The following ARHGEF28 variants were observed in gnomAD, a reference collection of about 807,000 sequenced individuals.
ARHGEF28 encodes 190 kDa guanine nucleotide exchange factor.
ARHGEF28 carries 152 observed loss-of-function variants against 206.6 expected under a neutral mutation model. The ratio of observed to expected loss-of-function variants is 0.74; its 90% CI spans 0.64 to 0.84. The LOEUF is 0.84. Ranked by LOEUF, ARHGEF28 falls within the 40% of genes least tolerant of loss-of-function variation. The pLI, the probability that ARHGEF28 is intolerant of heterozygous loss-of-function variation, is 0.00. For missense variants in ARHGEF28, 2,028 were observed against 2,073.2 expected (o/e 0.98, Z 0.42); for synonymous variants, 763 against 776.4 (o/e 0.98, Z 0.29).
intron 2 of ARHGEF28, among the ~76,000 whole-genome samples, chr5:73,715,690 A>G (rs1026981747): frequency 6.6e-6 from 1 of 152,226 alleles, no homozygotes; most frequent in Non-Finnish European, 1.5e-5. Flanking sequence ...TAGCACATCC[A>G]AAGTATAATT....
chr5:73,896,300 A>G (rs1188507360), intron 29 of ARHGEF28, among the ~76,000 whole-genome samples: 1 of 152,194 alleles, frequency 6.6e-6, no homozygotes, highest in Non-Finnish European at 1.5e-5. Flanking sequence ...AGTGAGCTTC[A>G]CGTGTTTAAG....
At chr5:73,915,557 T>G (rs1002924029) in intron 35 of ARHGEF28, among the ~76,000 whole-genome samples, 3 of 152,198 alleles carry the variant, frequency 2.0e-5, no homozygotes, top group African/African-American at 7.2e-5. Flanking sequence ...TGAATTTCCT[T>G]AAACAATAGT....
rs182835526 is a variant in ARHGEF28, at chr5:73,847,765, A to T, written c.1636-1211A>T. 2.0e-4 allele frequency among the ~76,000 whole-genome samples: 30 copies of T among 152,338 alleles called. 1 individual carries two copies. The South Asian group carries it at 6.0e-3, about 31-fold the overall frequency. Reference sequence around the variant, plus strand: ...GGACAATTTTCAAAGTTCTATTGTCATGACAAATGGTTACCACGTATACAT... The same window carrying T: ...GGACAATTTTCAAAGTTCTATTGTCTTGACAAATGGTTACCACGTATACAT... On this transcript the variant is annotated intron_variant, in intron 12 of 35. Coordinates refer to ENST00000513042, the MANE Select transcript of ARHGEF28 (RefSeq NM_001177693.2).
rs186570985 is a variant in ARHGEF28, at chr5:73,766,164, A to C, written c.476-7691A>C. Among the ~76,000 whole-genome samples, 430 of 150,310 alleles carry C rather than the reference A, an allele frequency of 2.9e-3. 1 individual carries two copies. The highest frequency in any genetic ancestry group is 4.8e-3 in the Admixed American group (73 of 15,110). On this transcript the variant is annotated intron_variant, in intron 4 of 35. Transcript: ENST00000513042. ...GCAGGACTCCATCTCAAAAAAAAAA[A>C]AACAAAAAACAAAAAACAAAACAAA...
intron 1 of ARHGEF28, among the ~76,000 whole-genome samples, chr5:73,675,172 C>T (rs1183104344): frequency 6.6e-6 from 1 of 152,158 alleles, no homozygotes; most frequent in African/African-American, 2.4e-5. Context: ...CTGATGCTAT[C>T]TCCAGGTAGT....
intron 9 of ARHGEF28, among the ~76,000 whole-genome samples, chr5:73,806,904 T>A (rs989080157): frequency 6.8e-6 from 1 of 146,624 alleles, no homozygotes; most frequent in African/African-American, 2.5e-5. Context: ...AATCTAAATA[T>A]AAACAATATA....
rs369800311 is a variant in ARHGEF28 at position 73,873,281 on chromosome 5, G to C, written c.2814+35G>C. 9 of 1,567,514 alleles carry C rather than the reference G, an allele frequency of 5.7e-6. No homozygotes were observed. The African/African-American group carries it at 1.1e-4, about 19-fold the overall frequency. On this transcript the variant is annotated intron_variant, in intron 22 of 35. Coordinates refer to ENST00000513042, the MANE Select transcript of ARHGEF28 (RefSeq NM_001177693.2). ...GCTTAAAGTCCTTGACCTTTATGAC[G>C]TAAGTGGGATTTGAATCAAAATCTG...
intron 10 of ARHGEF28, among the ~76,000 whole-genome samples, chr5:73,833,267 A>G (rs1757413538): frequency 6.6e-6 from 1 of 152,128 alleles, no homozygotes; most frequent in East Asian, 1.9e-4. Flanking sequence ...CACCCTATCT[A>G]CTCACTGAGC....
chr5:73,872,720 A>T (rs534951488), intron 21 of ARHGEF28, among the ~76,000 whole-genome samples: 44 of 152,348 alleles, frequency 2.9e-4, no homozygotes, highest in African/African-American at 1.0e-3. Context: ...GTATCTAAAG[A>T]TGCTAGCTAG....
intron 2 of ARHGEF28, among the ~76,000 whole-genome samples, chr5:73,725,014 T>C (rs1008808883): frequency 6.6e-6 from 1 of 152,224 alleles, no homozygotes; most frequent in Non-Finnish European, 1.5e-5. Flanking sequence ...AAGTGATGTA[T>C]GTTTGTTGTA....
intron 2 of ARHGEF28, among the ~76,000 whole-genome samples, chr5:73,738,077 G>A (rs184024224): frequency 1.8e-3 from 274 of 152,328 alleles, no homozygotes; most frequent in African/African-American, 6.4e-3. Context: ...TGGGGATGCT[G>A]TCGGGGTGGG....
intron 10 of ARHGEF28, among the ~76,000 whole-genome samples, chr5:73,837,444 G>A (rs1579964240): frequency 6.6e-6 from 1 of 151,900 alleles, no homozygotes; most frequent in Non-Finnish European, 1.5e-5. Flanking sequence ...GATTTATTCT[G>A]CTGCCATATT....
At chr5:73,747,618 A>G (rs534310808) in intron 2 of ARHGEF28, among the ~76,000 whole-genome samples, 214 of 151,886 alleles carry the variant, frequency 1.4e-3, no homozygotes, top group Non-Finnish European at 2.6e-3. Context: ...TTTCTGTATC[A>G]CCCCCTTCTT....
chr5:73,878,438 C>T (rs558069653), intron 22 of ARHGEF28, among the ~76,000 whole-genome samples: 3 of 151,774 alleles, frequency 2.0e-5, no homozygotes, highest in South Asian at 2.1e-4. Context: ...AAAGTTAATA[C>T]TGTTATGTGT....
chr5:73,644,437 A>T (rs1195351162), intron 1 of ARHGEF28, among the ~76,000 whole-genome samples: 1 of 152,164 alleles, frequency 6.6e-6, no homozygotes, highest in African/African-American at 2.4e-5. Flanking sequence ...CTCCCCCAGC[A>T]CCATCCATAC....
rs375756705 is a variant in ARHGEF28, at chr5:73,858,127, G to A, written c.1955G>A (p.Arg652Gln). 1.4e-5 allele frequency: 22 copies of A among 1,611,990 alleles called. No homozygotes were observed. The African/African-American group carries it at 1.5e-4, about 11-fold the overall frequency. ...KDAKDKEKLNRHQFAPGTFSG... is the reference protein window; with the variant it reads ...KDAKDKEKLNQHQFAPGTFSG... ...GCCAAAGATAAAGAGAAGCTGAATC[G>A]ACATCAGTTTGCCCCAGGAACATTC... is the stretch of plus-strand genomic sequence containing the variant. The change falls in exon 16 of 36, where the codon CGA becomes CAA. Residue 652 changes from arginine to glutamine, a missense_variant. This residue lies in a region of ARHGEF28 where 1,002 missense variants were observed against 1,015.3 expected (regional missense o/e 0.99). Coordinates refer to ENST00000513042, the MANE Select transcript of ARHGEF28 (RefSeq NM_001177693.2).
chr5:73,898,121 G>A, intron 30 of ARHGEF28, 28 bp downstream of exon 30: 15 of 1,606,428 alleles, frequency 9.3e-6, no homozygotes, highest in Non-Finnish European at 1.3e-5. Flanking sequence ...CCTTGGCAAT[G>A]AGCCTGAGCA....
intron 22 of ARHGEF28, among the ~76,000 whole-genome samples, chr5:73,876,095 T>C (rs1330062240): frequency 6.7e-6 from 1 of 149,656 alleles, no homozygotes; most frequent in Non-Finnish European, 1.5e-5. Flanking sequence ...TTTTATTTCA[T>C]TGAGCAGTGG....
At chr5:73,650,492 C>A (rs183479814) in intron 1 of ARHGEF28, among the ~76,000 whole-genome samples, 2 of 151,828 alleles carry the variant, frequency 1.3e-5, no homozygotes, top group East Asian at 3.9e-4. Context: ...ACTGTGTTGG[C>A]CAGGCTGGTC....
Sources: gnomAD v4.1 joint callset for allele counts (sites outside exome capture counted in the v4.1 genomes callset) on GRCh38, gnomAD v4.1.1 for gene constraint, gnomAD v4.1.1 regional missense constraint, MANE v1.5 for transcripts, NCBI Gene and HGNC (gene_info 2026-07-23, HGNC 2026-07-21) for gene names.